Variants in CFAP54 observed in about 807,000 individuals in gnomAD.
CFAP54 encodes the protein cilia and flagella associated protein 54, also known as cilia- and flagella-associated protein 54.
Under a neutral mutation model 370.4 loss-of-function variants are expected in CFAP54, and 290 were observed. The observed-to-expected ratio is 0.78, with a 90% CI of 0.71 to 0.86. The LOEUF (loss-of-function observed/expected upper bound fraction) is 0.86, where lower values mean the gene tolerates loss of function less well. Ranked by LOEUF, CFAP54 falls within the 40% of genes least tolerant of loss-of-function variation. The pLI, the probability that CFAP54 is intolerant of heterozygous loss-of-function variation, is 0.00. For missense variants in CFAP54, 3,399 were observed against 3,528.7 expected, an observed-to-expected ratio of 0.96 and a Z score of 0.93; for synonymous variants, 1,206 against 1,236.5, an observed-to-expected ratio of 0.98 and a Z score of 0.52.
chr12:96,513,427 T>A (rs920653801), intron 5 of CFAP54, among the ~76,000 whole-genome samples: 2 of 152,122 alleles, frequency 1.3e-5, no homozygotes, highest in African/African-American at 4.8e-5. Flanking sequence ...TAATTATCAG[T>A]AGTGCCCACT....
chr12:96,667,636 C>G (rs1957097005), intron 39 of CFAP54, among the ~76,000 whole-genome samples: 1 of 152,198 alleles, frequency 6.6e-6, no homozygotes, highest in South Asian at 2.1e-4. Flanking sequence ...TGACCTGACC[C>G]AGGAAATCCT....
At chr12:96,653,191 A>G (rs1442996486) in intron 36 of CFAP54, among the ~76,000 whole-genome samples, 1 of 152,196 alleles carries the variant, frequency 6.6e-6, no homozygotes, top group South Asian at 2.1e-4. Flanking sequence ...CAGTGCTTTC[A>G]GTGAGTTCTA....
intron 50 of CFAP54, 147 bp downstream of exon 50, chr12:96,720,712 A>G (rs1380826706): frequency 4.5e-6 from 3 of 663,486 alleles, no homozygotes; most frequent in Admixed American, 8.6e-5. Context: ...AAGTTTTCAT[A>G]CATGATTTCA....
In CFAP54 at chr12:96,644,199, G is replaced by A; in HGVS notation, c.4338G>A (p.Arg1446=). 1.3e-5 allele frequency: 20 copies of A among 1,535,182 alleles called. No individual in the cohort carries two copies. The highest frequency in any genetic ancestry group is 1.7e-5 in the Non-Finnish European group (19 of 1,146,268). Residue 1446 remains arginine (R), a synonymous_variant, in exon 33 of 68, where the codon AGG becomes AGA. Coordinates refer to ENST00000524981, the MANE Select transcript of CFAP54 (RefSeq NM_001306084.2). ...GCAGAAATAGGAGAACCAGTGTTAG[G>A]AAAGCAGCACAACGATACCTGATGG... ...AHERNRRTSV[R]KAAQRYLMDY... is the part of the protein sequence containing the mutation.
At chr12:96,569,193 G>T (rs1211146220) in intron 19 of CFAP54, among the ~76,000 whole-genome samples, 1 of 152,170 alleles carries the variant, frequency 6.6e-6, no homozygotes, top group African/African-American at 2.4e-5. Flanking sequence ...AGTGTTGGCG[G>T]TTTTGAGGAT....
chr12:96,725,178 T>G (rs1217033907), intron 50 of CFAP54, among the ~76,000 whole-genome samples: 1 of 152,040 alleles, frequency 6.6e-6, no homozygotes, highest in Non-Finnish European at 1.5e-5. Flanking sequence ...TGGTTCCATA[T>G]GAACTTTAAA....
Position 96,651,672 on chromosome 12 carries a change from C to A in CFAP54, c.4957C>A (p.Leu1653Ile), listed in dbSNP as rs748221372. ...GAACTTTACTCAGGAACTACAAATA[C>A]TTCTTAAACAGGCAGTGGATCTTGA... ...LWNFTQELQI[L>I]LKQAVDLDKT... The change falls in exon 36 of 68, where the codon CTT becomes ATT. Residue 1653 changes from leucine (L) to isoleucine (I), a missense_variant. Physicochemically the swap from Leu to Ile is conservative, Grantham distance 5 (BLOSUM62 2). Around this residue, in one of 3 missense-constraint regions of CFAP54, gnomAD observed 2,796 missense variants for 2,869.7 expected, o/e 0.97. Transcript: ENST00000524981. 1.2e-6 allele frequency: 2 copies of A among 1,614,126 alleles called. No homozygotes were observed. The highest frequency in any genetic ancestry group is 1.7e-6 in the Non-Finnish European group (2 of 1,180,002).
intron 14 of CFAP54, among the ~76,000 whole-genome samples, chr12:96,547,563 C>T (rs1263449614): frequency 2.0e-5 from 3 of 151,748 alleles, no homozygotes; most frequent in South Asian, 4.2e-4. Context: ...TGGTTTGTTA[C>T]GTTACAAGAT....
intron 11 of CFAP54, 66 bp from the exon 12 acceptor site, chr12:96,535,449 G>A: frequency 1.0e-6 from 1 of 985,004 alleles, no homozygotes; most frequent in Admixed American, 2.1e-5. Flanking sequence ...GTGTTTCTGT[G>A]CCTTTTCTAT....
At chr12:96,810,609 T>C (rs2136725743) in intron 63 of CFAP54, among the ~76,000 whole-genome samples, 1 of 152,274 alleles carries the variant, frequency 6.6e-6, no homozygotes, top group African/African-American at 2.4e-5. Flanking sequence ...CGGAACTGAA[T>C]GGACCCAAAG....
intron 45 of CFAP54, among the ~76,000 whole-genome samples, chr12:96,694,345 C>T (rs888097778): frequency 6.6e-6 from 1 of 152,162 alleles, no homozygotes; most frequent in African/African-American, 2.4e-5. Flanking sequence ...TCTCTCTGCT[C>T]TCTTTCCTAA....
At chr12:96,814,739 T>C (rs984562763) in intron 64 of CFAP54, among the ~76,000 whole-genome samples, 7 of 152,182 alleles carry the variant, frequency 4.6e-5, no homozygotes, top group African/African-American at 1.7e-4. Context: ...TAGTGTGTGA[T>C]GTTCCCCTCC....
intron 25 of CFAP54, among the ~76,000 whole-genome samples, chr12:96,597,640 C>G (rs1339272471): frequency 1.3e-5 from 2 of 151,578 alleles, no homozygotes; most frequent in African/African-American, 4.8e-5. Context: ...TGAATTAGAG[C>G]TATACCTGTA....
intron 65 of CFAP54, among the ~76,000 whole-genome samples, chr12:96,823,900 G>A (rs1698877472): frequency 6.6e-6 from 1 of 152,150 alleles, no homozygotes; most frequent in Non-Finnish European, 1.5e-5. Flanking sequence ...GCATGTGAAG[G>A]AGAGACGAGG....
At chr12:96,783,401 C>T (rs1691456767) in intron 60 of CFAP54, among the ~76,000 whole-genome samples, 2 of 152,126 alleles carry the variant, frequency 1.3e-5, no homozygotes, top group Admixed American at 1.3e-4. Flanking sequence ...CCTTTTTTCG[C>T]TTCCCAGAGA....
intron 48 of CFAP54, among the ~76,000 whole-genome samples, chr12:96,710,317 G>A (rs1744581386): frequency 6.6e-6 from 1 of 152,168 alleles, no homozygotes; most frequent in African/African-American, 2.4e-5. Context: ...GGAGGCAGAG[G>A]GCAGTGCAGG....
chr12:96,579,598 C>A (rs758236397), intron 20 of CFAP54, among the ~76,000 whole-genome samples: 4 of 152,020 alleles, frequency 2.6e-5, no homozygotes, highest in Non-Finnish European at 4.4e-5. Context: ...TTCCTTCTTT[C>A]TAGCTTGCCT....
At chr12:96,617,989 C>CAA (rs3055732) in intron 26 of CFAP54, among the ~76,000 whole-genome samples, 1 of 117,116 alleles carries the variant, frequency 8.5e-6, no homozygotes, top group Non-Finnish European at 1.7e-5. Context: ...GACTTTGTCT[C>CAA]AAAAAAAAAA....
chr12:96,621,375 T>A (rs1956485631), intron 26 of CFAP54, among the ~76,000 whole-genome samples: 1 of 152,228 alleles, frequency 6.6e-6, no homozygotes, highest in African/African-American at 2.4e-5. Flanking sequence ...ATCCCGTTAT[T>A]AGTCCTTTAC....
Sources: allele counts gnomAD v4.1 joint callset (sites outside exome capture counted in the v4.1 genomes callset), GRCh38; gene constraint gnomAD v4.1.1; regional missense constraint gnomAD v4.1.1; transcripts MANE v1.5; gene names NCBI Gene and HGNC (gene_info 2026-07-23, HGNC 2026-07-21).